FSTL5: variants seen among roughly 807,000 people sequenced by gnomAD.
FSTL5 encodes follistatin-related protein 5.
In FSTL5, 62 loss-of-function variants were observed where a neutral mutation model predicts 89.1. That is an observed-to-expected ratio of 0.70 (90% CI 0.57 to 0.86). FSTL5 has a LOEUF of 0.86. Ranked by LOEUF, FSTL5 falls within the 40% of genes least tolerant of loss-of-function variation. FSTL5 has a pLI of 0.00. For synonymous variants in FSTL5, 383 were observed against 346.2 expected (o/e 1.11, Z -1.18); for missense variants, 1,057 against 1,001.6 (o/e 1.06, Z -0.75).
chr4:162,049,735 C>T (rs1483556), intron 2 of FSTL5, among the ~76,000 whole-genome samples: 150,853 of 152,238 alleles, frequency 0.99, 74,748 homozygotes, highest in Middle Eastern at 1. Context: ...ATCAGAAGTA[C>T]AATTTCCATA....
At chr4:162,116,239 G>A (rs1233456701) in intron 1 of FSTL5, among the ~76,000 whole-genome samples, 1 of 152,212 alleles carries the variant, frequency 6.6e-6, no homozygotes, top group Non-Finnish European at 1.5e-5. Flanking sequence ...GGGTGAGGCT[G>A]CAGCTAGTGC....
At chr4:161,769,948 T>C (rs978472093) in intron 5 of FSTL5, among the ~76,000 whole-genome samples, 1 of 150,828 alleles carries the variant, frequency 6.6e-6, no homozygotes, top group African/African-American at 2.4e-5. Context: ...ATAGCCAAGA[T>C]TTGGAAGCAA....
At chr4:161,494,905 G>GA (rs1445550890) in intron 12 of FSTL5, among the ~76,000 whole-genome samples, 1 of 151,758 alleles carries the variant, frequency 6.6e-6, no homozygotes, top group African/African-American at 2.4e-5. Flanking sequence ...ACAAAAAATT[G>GA]AAAAAAATTA....
At chr4:161,770,188 G>T (rs925721961) in intron 5 of FSTL5, among the ~76,000 whole-genome samples, 4 of 151,994 alleles carry the variant, frequency 2.6e-5, no homozygotes, top group Middle Eastern at 3.2e-3. Context: ...CAGCGATAGA[G>T]CATAGAATGG....
chr4:161,725,248 G>A (rs1213887947), intron 6 of FSTL5, among the ~76,000 whole-genome samples: 1 of 152,040 alleles, frequency 6.6e-6, no homozygotes, highest in Non-Finnish European at 1.5e-5. Context: ...GTGCCTCCAC[G>A]AAGGTGAATT....
intron 11 of FSTL5, among the ~76,000 whole-genome samples, chr4:161,504,923 G>A (rs1578883742): frequency 6.6e-6 from 1 of 151,958 alleles, no homozygotes; most frequent in African/African-American, 2.4e-5. Context: ...GCATGTTTAT[G>A]TGCATCATAA....
intron 1 of FSTL5, among the ~76,000 whole-genome samples, chr4:162,115,576 T>C (rs1244312335): frequency 2.0e-5 from 3 of 152,162 alleles, no homozygotes; most frequent in African/African-American, 7.2e-5. Context: ...GGTGCAATAA[T>C]GATCCTGTGA....
At chr4:161,566,433 G>A (rs527903102) in intron 8 of FSTL5, among the ~76,000 whole-genome samples, 49 of 151,602 alleles carry the variant, frequency 3.2e-4, no homozygotes, top group African/African-American at 1.0e-3. Flanking sequence ...TGCATATATC[G>A]TTTGAAAAAA....
chr4:162,086,094 T>C (rs1263192716), intron 2 of FSTL5, among the ~76,000 whole-genome samples: 1 of 152,024 alleles, frequency 6.6e-6, no homozygotes, highest in Non-Finnish European at 1.5e-5. Flanking sequence ...TTTCCCTCTC[T>C]CCCTTAATAT....
chr4:161,832,926 T>C (rs541319366), intron 4 of FSTL5, among the ~76,000 whole-genome samples: 1 of 148,224 alleles, frequency 6.7e-6, no homozygotes, highest in African/African-American at 2.5e-5. Context: ...CTGCTAGCTT[T>C]CGAATGTGTT....
intron 12 of FSTL5, among the ~76,000 whole-genome samples, chr4:161,496,820 A>ATAGAGG (rs1231490475): frequency 6.6e-5 from 10 of 152,084 alleles, no homozygotes; most frequent in African/African-American, 2.2e-4. Context: ...AGAGATAGAG[A>ATAGAGG]TAGAGATAGA....
intron 6 of FSTL5, among the ~76,000 whole-genome samples, chr4:161,661,969 C>T (rs1374011290): frequency 2.6e-5 from 4 of 152,116 alleles, no homozygotes; most frequent in African/African-American, 9.7e-5. Context: ...AGAACTGTAA[C>T]TCAGAGATGA....
At chr4:162,012,254 C>T (rs1240572617) in intron 3 of FSTL5, among the ~76,000 whole-genome samples, 1 of 151,884 alleles carries the variant, frequency 6.6e-6, no homozygotes, top group African/African-American at 2.4e-5. Flanking sequence ...CAGGTGAGGA[C>T]AAGGAAAAAA....
At chr4:161,571,459 A>G (rs530055792) in intron 8 of FSTL5, among the ~76,000 whole-genome samples, 1 of 152,260 alleles carries the variant, frequency 6.6e-6, no homozygotes, top group East Asian at 1.9e-4. Context: ...AGGAAAAAAA[A>G]GAAAAAAGTC....
At chr4:161,765,125 G>A (rs1002783558) in intron 5 of FSTL5, among the ~76,000 whole-genome samples, 4 of 152,148 alleles carry the variant, frequency 2.6e-5, no homozygotes, top group African/African-American at 9.7e-5. Flanking sequence ...GTCATTCTAA[G>A]TCAAACACCT....
At chr4:161,513,272 G>GGAGAGAGAGAGAGAGAGAGAGAGAGAGA (rs6148753) in intron 10 of FSTL5, among the ~76,000 whole-genome samples, 1 of 109,978 alleles carries the variant, frequency 9.1e-6, no homozygotes, top group Non-Finnish European at 1.8e-5. Flanking sequence ...ACAAGGAGGG[G>GGAGAGAGAGAGAGAGAGAGAGAGAGAGA]GAGAGAGAGA....
chr4:162,000,638 T>C (rs183398641), intron 3 of FSTL5, among the ~76,000 whole-genome samples: 214 of 151,226 alleles, frequency 1.4e-3, no homozygotes, highest in African/African-American at 5.0e-3. Context: ...ACAAAATATA[T>C]ATACAAAATG....
At chr4:161,540,335 C>T (rs1223749477) in intron 9 of FSTL5, among the ~76,000 whole-genome samples, 3 of 152,162 alleles carry the variant, frequency 2.0e-5, no homozygotes, top group East Asian at 3.8e-4. Context: ...CAGTTAGGTA[C>T]CTTTCATATC....
intron 4 of FSTL5, among the ~76,000 whole-genome samples, chr4:161,836,188 G>C (rs1262492650): frequency 4.6e-5 from 7 of 150,946 alleles, no homozygotes; most frequent in Admixed American, 2.7e-4. Context: ...ATCATTCTGA[G>C]TAAACTATCG....
Sources: allele counts gnomAD v4.1 joint callset (sites outside exome capture counted in the v4.1 genomes callset), GRCh38; gene constraint gnomAD v4.1.1; transcripts MANE v1.5; gene names NCBI Gene and HGNC (gene_info 2026-07-23, HGNC 2026-07-21).